Variants in SDK2 observed in about 807,000 individuals in gnomAD.
SDK2 encodes sidekick cell adhesion molecule 2, also known as protein sidekick-2.
In SDK2, 105 loss-of-function variants were observed where a neutral mutation model predicts 253.9. That is an observed-to-expected ratio of 0.41 (90% confidence interval 0.35 to 0.49). The LOEUF is 0.49. Ranked by LOEUF, SDK2 falls within the 20% of genes least tolerant of loss-of-function variation. SDK2 has a pLI of 0.06. For missense variants in SDK2, 2,608 were observed against 3,003.0 expected, an observed-to-expected ratio of 0.87 and a Z score of 3.07; for synonymous variants, 1,249 against 1,234.9, an observed-to-expected ratio of 1.01 and a Z score of -0.24.
At chr17:73,339,751 C>A (rs2062418471) in intron 44 of SDK2, among the ~76,000 whole-genome samples, 1 of 152,014 alleles carries the variant, frequency 6.6e-6, no homozygotes, top group Admixed American at 6.6e-5. Flanking sequence ...GTGATGAGCT[C>A]TCCTTATGTT....
At chr17:73,448,718 TG>T (rs969204130) in intron 4 of SDK2, among the ~76,000 whole-genome samples, 13 of 151,010 alleles carry the variant, frequency 8.6e-5, no homozygotes. Context: ...TGAAGTGCAA[TG>T]GTACGATCTT....
chr17:73,515,586 T>A (rs1004469705), intron 1 of SDK2, among the ~76,000 whole-genome samples: 11 of 152,098 alleles, frequency 7.2e-5, no homozygotes, highest in African/African-American at 2.7e-4. Context: ...AGCCTGGAAA[T>A]GGAGGTCAAA....
chr17:73,391,050 T>G (rs1374967899), intron 28 of SDK2, among the ~76,000 whole-genome samples: 2 of 152,196 alleles, frequency 1.3e-5, no homozygotes, highest in African/African-American at 4.8e-5. Flanking sequence ...AAATGTGAGA[T>G]GAAGCTTCCC....
intron 8 of SDK2, among the ~76,000 whole-genome samples, chr17:73,437,070 T>C (rs551348844): frequency 2.2e-4 from 33 of 152,278 alleles, no homozygotes; most frequent in African/African-American, 7.2e-4. Flanking sequence ...GATCTTTGCC[T>C]TCCCCTTGTG....
intron 31 of SDK2, 142 bp downstream of exon 31, chr17:73,386,303 G>C: frequency 1.5e-6 from 1 of 662,824 alleles, no homozygotes; most frequent in Admixed American, 2.5e-5. Context: ...ACCTCCCTGA[G>C]ACCCTACCCC....
intron 44 of SDK2, among the ~76,000 whole-genome samples, chr17:73,343,536 C>A (rs577492831): frequency 6.6e-6 from 1 of 152,226 alleles, no homozygotes; most frequent in Non-Finnish European, 1.5e-5. Context: ...CAAAGGGGGC[C>A]TTTCAGGGGC....
intron 1 of SDK2, among the ~76,000 whole-genome samples, chr17:73,569,891 G>T (rs2045360000): frequency 6.6e-6 from 1 of 152,072 alleles, no homozygotes; most frequent in Admixed American, 6.5e-5. Context: ...CTACACGGCT[G>T]TCACCACTCT....
intron 30 of SDK2, among the ~76,000 whole-genome samples, chr17:73,387,527 C>T (rs113281011): frequency 0.016 from 2,459 of 152,256 alleles, 66 homozygotes; most frequent in African/African-American, 0.056. Context: ...AGGAAGATAC[C>T]GCCCGGCTGG....
At position 73,481,745 on chromosome 17, in the gene SDK2, T is replaced by TC. The variant is rs560154097; in HGVS notation, c.225-9528dup. 1.2e-4 allele frequency among the ~76,000 whole-genome samples: 19 copies of TC among 152,186 alleles called. No homozygotes were observed. Among genetic ancestry groups the TC allele is most frequent in the Middle Eastern group, 3.4e-3 (1 of 294 alleles). ...GCCCTTGGACGCTGGGGCTCCTGGT[T>TC]CCCGGCCTGCAGACTCTAGGACTTA... On this transcript the variant is annotated intron_variant, in intron 2 of 44. Coordinates refer to ENST00000392650, the MANE Select transcript of SDK2 (RefSeq NM_001144952.2). This position sits in a 1 kb window ranked among gnomAD's most constrained non-coding sequence, Gnocchi z 4.5.
At chr17:73,599,393 G>C (rs1387651253) in intron 1 of SDK2, among the ~76,000 whole-genome samples, 1 of 152,100 alleles carries the variant, frequency 6.6e-6, no homozygotes, top group East Asian at 1.9e-4. Flanking sequence ...TTAGCCTGGC[G>C]TGGTGGTGGG....
At chr17:73,374,230 T>C (rs2062758831) in intron 36 of SDK2, among the ~76,000 whole-genome samples, 1 of 144,706 alleles carries the variant, frequency 6.9e-6, no homozygotes, top group African/African-American at 2.8e-5. Context: ...GAGGACTCTA[T>C]AATTCACATC....
intron 1 of SDK2, among the ~76,000 whole-genome samples, chr17:73,563,777 A>ATT (rs59296594): frequency 2.8e-5 from 4 of 144,616 alleles, no homozygotes; most frequent in African/African-American, 1.0e-4. Context: ...TCTCTCACTG[A>ATT]TTTTTTTTTT....
chr17:73,494,866 G>A (rs1373466446), intron 2 of SDK2, among the ~76,000 whole-genome samples: 5 of 152,246 alleles, frequency 3.3e-5, no homozygotes, highest in East Asian at 1.9e-4. Context: ...GCAGGACCGC[G>A]TGCATCTGTG....
At position 73,353,700 on chromosome 17, in the gene SDK2, A is replaced by ATTTTT. The variant is rs11370066; in HGVS notation, c.5594-1068_5594-1064dup. ...AGGTGTGAGCCACTGTGCCTGGCCA[A>ATTTTT]TTTTTTTTTTTTTTTTTTTTTGAGA... On this transcript the variant is annotated intron_variant, in intron 40 of 44. Transcript: ENST00000392650. Among the ~76,000 whole-genome samples the ATTTTT allele has an allele frequency of 3.4e-4, 33 of 97,208 alleles. 1 individual carries two copies. The highest frequency in any genetic ancestry group is 4.2e-4 in the Non-Finnish European group (22 of 52,410). The allele number at this position is 97,208 out of a possible 152,430, so 63.8% of individuals were successfully genotyped here.
intron 1 of SDK2, among the ~76,000 whole-genome samples, chr17:73,545,297 C>A (rs1042602540): frequency 1.3e-5 from 2 of 152,168 alleles, no homozygotes; most frequent in African/African-American, 4.8e-5. Context: ...GAGCCTGCCG[C>A]CCTGCTTCTG....
intron 1 of SDK2, among the ~76,000 whole-genome samples, chr17:73,591,053 G>A (rs2045675022): frequency 6.6e-6 from 1 of 152,136 alleles, no homozygotes; most frequent in African/African-American, 2.4e-5. Context: ...CTGAGTAGCT[G>A]GGACTACAGG....
intron 1 of SDK2, among the ~76,000 whole-genome samples, chr17:73,573,467 A>G (rs2045415556): frequency 6.6e-6 from 1 of 152,094 alleles, no homozygotes; most frequent in South Asian, 2.1e-4. Flanking sequence ...TCTCCATCTC[A>G]GGAATGGTCA....
At chr17:73,349,140 C>A (rs112903842) in intron 43 of SDK2, among the ~76,000 whole-genome samples, 12 of 152,186 alleles carry the variant, frequency 7.9e-5, no homozygotes, top group African/African-American at 2.9e-4. Context: ...GTGTGAAATG[C>A]CCCCTTGTTA....
rs2063610620 is a variant in SDK2 at position 73,467,498 on chromosome 17, G to A, written c.331+4614C>T. 6.6e-6 allele frequency among the ~76,000 whole-genome samples: 1 copy of A among 152,154 alleles called. No individual in the cohort carries two copies. Among genetic ancestry groups the A allele is most frequent in the Admixed American group, 6.5e-5 (1 of 15,282 alleles). ...CCTCAGGACGAGCACTGCTATGAGT[G>A]AGAATGGTTTTGCCAAGTGCTGTGT... On this transcript the variant is annotated intron_variant, in intron 3 of 44. Transcript: ENST00000392650. This position sits in a 1 kb window ranked among gnomAD's most constrained non-coding sequence, Gnocchi z 4.1.
Sources: allele counts gnomAD v4.1 joint callset (sites outside exome capture counted in the v4.1 genomes callset), GRCh38; gene constraint gnomAD v4.1.1; non-coding constraint Gnocchi (gnomAD v3.1); transcripts MANE v1.5; gene names NCBI Gene and HGNC (gene_info 2026-07-23, HGNC 2026-07-21).